NPAS3: variants seen among roughly 807,000 people sequenced by gnomAD.
NPAS3 encodes neuronal PAS domain-containing protein 3.
A neutral mutation model predicts 73.1 loss-of-function variants in NPAS3; 14 were observed. That is an observed-to-expected ratio of 0.19 (90% CI 0.13 to 0.30). The LOEUF is 0.30. Ranked by LOEUF, NPAS3 falls within the 10% of genes least tolerant of loss-of-function variation. The pLI, the probability that NPAS3 is intolerant of heterozygous loss-of-function variation, is 1.00. For synonymous variants in NPAS3, 620 were observed against 541.5 expected (o/e 1.14, Z -2.01); for missense variants, 1,096 against 1,250.0 (o/e 0.88, Z 1.86).
intron 3 of NPAS3, among the ~76,000 whole-genome samples, chr14:33,282,747 G>T (rs985470127): frequency 2.0e-5 from 3 of 152,270 alleles, no homozygotes; most frequent in Non-Finnish European, 2.9e-5. Flanking sequence ...GGATAGGCTG[G>T]TGGGACTGCA....
chr14:33,738,163 G>T (rs186864851), intron 7 of NPAS3, among the ~76,000 whole-genome samples: 50 of 152,246 alleles, frequency 3.3e-4, no homozygotes, highest in African/African-American at 1.0e-3. Flanking sequence ...TGGTCCAAAT[G>T]TTATATTCTA....
At chr14:33,723,653 C>T (rs1022910158) in intron 6 of NPAS3, among the ~76,000 whole-genome samples, 4 of 151,554 alleles carry the variant, frequency 2.6e-5, no homozygotes, top group African/African-American at 9.7e-5. Context: ...GGTCACCATG[C>T]ACTGCTTCTG....
At chr14:33,698,972 A>G (rs1330893030) in intron 6 of NPAS3, among the ~76,000 whole-genome samples, 1 of 152,206 alleles carries the variant, frequency 6.6e-6, no homozygotes, top group East Asian at 1.9e-4. Flanking sequence ...GGTTGCTGTC[A>G]TTTATGTACC....
At chr14:33,737,571 A>AT (rs2140663729) in intron 7 of NPAS3, among the ~76,000 whole-genome samples, 1 of 152,096 alleles carries the variant, frequency 6.6e-6, no homozygotes, top group African/African-American at 2.4e-5. Flanking sequence ...CTACCAACAA[A>AT]AGTTGATTCA....
chr14:33,544,669 G>A (rs1421491130), intron 4 of NPAS3, among the ~76,000 whole-genome samples: 2 of 150,774 alleles, frequency 1.3e-5, no homozygotes, highest in East Asian at 2.0e-4. Context: ...GACTTCCTGG[G>A]CTTCAGGCCT....
chr14:33,189,285 G>C lies in NPAS3; in HGVS notation c.141-25897G>C, dbSNP rs1028800. On this transcript the variant is annotated intron_variant, in intron 2 of 11. Transcript: ENST00000356141. ...GAAGAGAGCATTTTTGGCAGACAGAGCTTGTTTTAAGGACAAAGGTGTTTG... is the reference window on the plus strand; with the variant it reads ...GAAGAGAGCATTTTTGGCAGACAGACCTTGTTTTAAGGACAAAGGTGTTTG... 3.3e-3 allele frequency among the ~76,000 whole-genome samples: 503 copies of C among 152,284 alleles called. 7 individuals are homozygous for C. Among genetic ancestry groups the C allele is most frequent in the Admixed American group, 0.028 (423 of 15,304 alleles).
intron 1 of NPAS3, among the ~76,000 whole-genome samples, chr14:33,023,345 C>T (rs1297224852): frequency 6.6e-6 from 1 of 152,102 alleles, no homozygotes; most frequent in African/African-American, 2.4e-5. Flanking sequence ...TCAATGCTGA[C>T]CCATGACATC....
At chr14:33,182,715 C>A (rs1391589752) in intron 2 of NPAS3, among the ~76,000 whole-genome samples, 1 of 152,066 alleles carries the variant, frequency 6.6e-6, no homozygotes, top group Non-Finnish European at 1.5e-5. Flanking sequence ...TGGTTCTGCC[C>A]AGCCGGTCCT....
chr14:33,600,510 T>C (rs918656606), intron 5 of NPAS3, among the ~76,000 whole-genome samples: 1 of 152,160 alleles, frequency 6.6e-6, no homozygotes, highest in Non-Finnish European at 1.5e-5. Context: ...GAATTGTATA[T>C]AGAATAAATA....
chr14:33,393,169 A>G (rs1420406218), intron 4 of NPAS3, among the ~76,000 whole-genome samples: 2 of 152,212 alleles, frequency 1.3e-5, no homozygotes, highest in East Asian at 3.8e-4. Context: ...ACTAATGGCT[A>G]ATTAGCAGGA....
chr14:33,486,821 A>T (rs2051625584), intron 4 of NPAS3, among the ~76,000 whole-genome samples: 1 of 152,194 alleles, frequency 6.6e-6, no homozygotes, highest in Non-Finnish European at 1.5e-5. Flanking sequence ...TTACCTCATC[A>T]ATCCAGACCA....
chr14:33,093,722 A>G (rs146601443), intron 2 of NPAS3, among the ~76,000 whole-genome samples: 1 of 152,318 alleles, frequency 6.6e-6, no homozygotes, highest in East Asian at 1.9e-4. Context: ...ATCGACCCAA[A>G]TGTCCATCAG....
chr14:33,604,329 G>T (rs2057489729), intron 5 of NPAS3, among the ~76,000 whole-genome samples: 1 of 151,818 alleles, frequency 6.6e-6, no homozygotes, highest in Non-Finnish European at 1.5e-5. Context: ...GAAAAAAACT[G>T]TACTGTGTTA....
intron 7 of NPAS3, among the ~76,000 whole-genome samples, chr14:33,744,963 G>C (rs993861057): frequency 2.0e-5 from 3 of 151,412 alleles, no homozygotes; most frequent in Non-Finnish European, 2.9e-5. Flanking sequence ...TATCTAGACC[G>C]TGTGCAGTGG....
At chr14:33,400,116 A>G (rs1421970433) in intron 4 of NPAS3, among the ~76,000 whole-genome samples, 1 of 152,102 alleles carries the variant, frequency 6.6e-6, no homozygotes, top group Non-Finnish European at 1.5e-5. Flanking sequence ...AATGTTACTT[A>G]TTATTTTCCT....
At chr14:33,609,539 C>CA (rs34088851) in intron 5 of NPAS3, among the ~76,000 whole-genome samples, 16,540 of 143,978 alleles carry the variant, frequency 0.11, 1,090 homozygotes, top group East Asian at 0.33. Context: ...GTTCCCCACT[C>CA]AAAAAAAAAA....
intron 5 of NPAS3, among the ~76,000 whole-genome samples, chr14:33,566,040 G>C (rs1381631215): frequency 6.6e-6 from 1 of 152,078 alleles, no homozygotes; most frequent in East Asian, 1.9e-4. Context: ...ATGCCCTTTT[G>C]AATGTGGAAG....
intron 9 of NPAS3, among the ~76,000 whole-genome samples, chr14:33,790,125 T>G (rs1429590453): frequency 2.0e-5 from 3 of 152,218 alleles, no homozygotes; most frequent in African/African-American, 7.2e-5. Flanking sequence ...CCTTTCCCTT[T>G]GTAGTTTGTA....
At chr14:33,585,771 G>A (rs183284917) in intron 5 of NPAS3, among the ~76,000 whole-genome samples, 6 of 152,140 alleles carry the variant, frequency 3.9e-5, no homozygotes, top group African/African-American at 1.2e-4. Flanking sequence ...GGTGCCTAAT[G>A]TATTTTAGAT....
Sources: gnomAD v4.1 joint callset for allele counts (sites outside exome capture counted in the v4.1 genomes callset) on GRCh38, gnomAD v4.1.1 for gene constraint, MANE v1.5 for transcripts, NCBI Gene and HGNC (gene_info 2026-07-23, HGNC 2026-07-21) for gene names.